GRM4: variants seen among roughly 807,000 people sequenced by gnomAD.
GRM4 encodes the protein glutamate metabotropic receptor 4, also known as metabotropic glutamate receptor 4.
In GRM4, 28 loss-of-function variants were observed where a neutral mutation model predicts 81.7. That is an observed-to-expected ratio of 0.34 (90% CI 0.25 to 0.47). The LOEUF (loss-of-function observed/expected upper bound fraction) is 0.47, where lower values mean the gene tolerates loss of function less well. Among genes scored for constraint, GRM4 ranks in the 20% least tolerant of loss-of-function variants. The pLI is 1.00. For synonymous variants in GRM4, 488 were observed against 528.8 expected (o/e 0.92, Z 1.06); for missense variants, 948 against 1,290.0 (o/e 0.73, Z 4.06).
intron 3 of GRM4, 112 bp from the exon 4 acceptor site, chr6:34,062,140 G>T: frequency 8.6e-7 from 1 of 1,168,970 alleles, no homozygotes; most frequent in Non-Finnish European, 1.2e-6. Flanking sequence ...AGGCTCCCCA[G>T]CCTGACTCCC....
At chr6:34,139,080 A>C (rs908046935) in intron 1 of GRM4, among the ~76,000 whole-genome samples, 8 of 152,266 alleles carry the variant, frequency 5.3e-5, no homozygotes, top group African/African-American at 1.7e-4. Context: ...GAATGGCCAC[A>C]GCCGCATGCT....
At chr6:34,033,491 CT>C (rs1200147239) in intron 9 of GRM4, among the ~76,000 whole-genome samples, 2 of 152,250 alleles carry the variant, frequency 1.3e-5, no homozygotes, top group South Asian at 4.1e-4. Context: ...CTCTGTGCCC[CT>C]GAGTCCTCAT....
In GRM4 at chr6:34,069,571, G is replaced by A. The variant is rs934875374; in HGVS notation, c.737-7543C>T. Among the ~76,000 whole-genome samples the A allele has an allele frequency of 2.7e-5, 4 of 150,500 alleles. No homozygotes were observed. Among genetic ancestry groups the A allele is most frequent in the African/African-American group, 9.9e-5 (4 of 40,448 alleles). Reference sequence around the variant, plus strand: ...TCACCCCTGCCCCATCTGCTCCTGCGTGTGACCCCGCTCCCCAGCTCATCA... The same window carrying A: ...TCACCCCTGCCCCATCTGCTCCTGCATGTGACCCCGCTCCCCAGCTCATCA... On this transcript the variant is annotated intron_variant, in intron 3 of 10. Coordinates refer to ENST00000538487, the MANE Select transcript of GRM4 (RefSeq NM_000841.4). This position sits in a 1 kb window ranked among gnomAD's most constrained non-coding sequence, Gnocchi z 6.4.
rs532297891 is a variant in GRM4, at chr6:34,043,191, G to A, written c.1169-2443C>T. 6.6e-5 allele frequency among the ~76,000 whole-genome samples: 10 copies of A among 152,304 alleles called. No individual in the cohort carries two copies. The East Asian group carries it at 1.7e-3, about 26-fold the overall frequency. ...TCCCAGGCTGCATTTGACTTGGGTC[G>A]TGTCTGCTAGCTTTGCTAACCAGCA... On this transcript the variant is annotated intron_variant, in intron 6 of 10. Transcript: ENST00000538487.
In GRM4 at chr6:34,115,923, G is replaced by A. The variant is rs1417723293; in HGVS notation, c.519+17055C>T. On this transcript the variant is annotated intron_variant, in intron 2 of 10. Transcript: ENST00000538487. This position sits in a 1 kb window ranked among gnomAD's most constrained non-coding sequence, Gnocchi z 4.1. Reference sequence around the variant, plus strand: ...TTTGAAAAGGTAAAAATGAGGTACCGATGTTGGCCGCACCAGAAGAGGGCT... The same window carrying A: ...TTTGAAAAGGTAAAAATGAGGTACCAATGTTGGCCGCACCAGAAGAGGGCT... 1.4e-4 allele frequency among the ~76,000 whole-genome samples: 21 copies of A among 152,326 alleles called. No homozygotes were observed. The highest frequency in any genetic ancestry group is 3.9e-4 in the East Asian group (2 of 5,188).
Position 34,044,659 on chromosome 6 carries a change from CAT to C in GRM4, c.1169-3913_1169-3912del, listed in dbSNP as rs1477566730. 8.4e-5 allele frequency among the ~76,000 whole-genome samples: 12 copies of C among 142,994 alleles called. 1 individual carries two copies. Among genetic ancestry groups the C allele is most frequent in the South Asian group, 4.4e-4 (2 of 4,570 alleles). The allele number at this position is 142,994 out of a possible 152,430, so 93.8% of individuals were successfully genotyped here. ...ACACACACACATATACATACATACA[CAT>C]ATATACACAGACACACACACACAGA... On this transcript the variant is annotated intron_variant, in intron 6 of 10. Transcript: ENST00000538487.
In GRM4 at chr6:34,047,202, C is replaced by G. The variant is rs997468209; in HGVS notation, c.1169-6454G>C. 3.3e-5 allele frequency among the ~76,000 whole-genome samples: 5 copies of G among 152,240 alleles called. No individual in the cohort carries two copies. Among genetic ancestry groups the G allele is most frequent in the Middle Eastern group, 3.4e-3 (1 of 294 alleles). Reference sequence around the variant, plus strand: ...CTCAGCTCTCCTTTCCTCCCTGACACGCCCCTGCTGGATGACACCCCACCC... The same window carrying G: ...CTCAGCTCTCCTTTCCTCCCTGACAGGCCCCTGCTGGATGACACCCCACCC... On this transcript the variant is annotated intron_variant, in intron 6 of 10. Transcript: ENST00000538487. This position sits in a 1 kb window ranked among gnomAD's most constrained non-coding sequence, Gnocchi z 4.5.
intron 2 of GRM4, among the ~76,000 whole-genome samples, chr6:34,093,085 G>A (rs1007077698): frequency 1.3e-5 from 2 of 152,192 alleles, no homozygotes; most frequent in African/African-American, 4.8e-5. Flanking sequence ...GGTGGGGAAT[G>A]CATATTGATC....
chr6:34,129,091 T>C (rs577665034), intron 2 of GRM4, among the ~76,000 whole-genome samples: 2 of 152,018 alleles, frequency 1.3e-5, no homozygotes, highest in South Asian at 4.2e-4. Flanking sequence ...CTCGGCTCAC[T>C]GCAACCTCTG....
At chr6:34,118,560 T>A (rs1267857561) in intron 2 of GRM4, among the ~76,000 whole-genome samples, 1 of 152,238 alleles carries the variant, frequency 6.6e-6, no homozygotes, top group Non-Finnish European at 1.5e-5. Flanking sequence ...AGGACTCTTG[T>A]GTGGAATGAT....
chr6:34,087,315 A>C (rs1390789426), intron 3 of GRM4, among the ~76,000 whole-genome samples: 2 of 150,848 alleles, frequency 1.3e-5, no homozygotes, highest in African/African-American at 4.9e-5. Context: ...GCTACTTGGG[A>C]GGCTGAGGCA....
At chr6:34,057,349 T>C (rs1212155237) in intron 5 of GRM4, among the ~76,000 whole-genome samples, 1 of 152,176 alleles carries the variant, frequency 6.6e-6, no homozygotes, top group Non-Finnish European at 1.5e-5. Flanking sequence ...GCCAGAGGCC[T>C]GAAAGCTCAG....
At chr6:34,094,250 C>A (rs115427737) in intron 2 of GRM4, among the ~76,000 whole-genome samples, 6 of 152,116 alleles carry the variant, frequency 3.9e-5, no homozygotes. Flanking sequence ...AGCAAGTGGC[C>A]GAGACAGGAT....
rs1771069728 is a variant in GRM4 at position 34,152,687 on chromosome 6, G to C, written c.312+2392C>G. Among the ~76,000 whole-genome samples, 1 of 152,216 alleles carries C rather than the reference G, an allele frequency of 6.6e-6. No individual in the cohort carries two copies. On this transcript the variant is annotated intron_variant, in intron 1 of 8. Coordinates refer to the GRM4 transcript ENST00000374177. This position sits in a 1 kb window ranked among gnomAD's most constrained non-coding sequence, Gnocchi z 4.1. ...CGTGGGCTGCATTTTAATGGCGTTT[G>C]ATTGGATCCGATGCGCTTTTAATTC...
chr6:34,078,374 T>G lies in GRM4; in HGVS notation c.736+13509A>C, dbSNP rs1328729372. Among the ~76,000 whole-genome samples, 1 of 152,138 alleles carries G rather than the reference T, an allele frequency of 6.6e-6. No homozygotes were observed. Among genetic ancestry groups the G allele is most frequent in the Non-Finnish European group, 1.5e-5 (1 of 68,026 alleles). ...AGTAACCTTTCTACGTGTTGTCTCC[T>G]GAGCTCCTTCCAGTCCACCCAGGTC... On this transcript the variant is annotated intron_variant, in intron 3 of 10. Coordinates refer to ENST00000538487, the MANE Select transcript of GRM4 (RefSeq NM_000841.4). The surrounding 1 kb of genome is among the most constrained non-coding windows in gnomAD (Gnocchi z 4.8).
chr6:34,088,312 C>T (rs759149773), intron 3 of GRM4, among the ~76,000 whole-genome samples: 79 of 152,192 alleles, frequency 5.2e-4, no homozygotes, highest in Non-Finnish European at 3.8e-4. Context: ...TTAGTAGAGA[C>T]GGCGTTTCAC....
chr6:34,029,507 A>G (rs1240448095), intron 9 of GRM4, among the ~76,000 whole-genome samples: 2 of 152,140 alleles, frequency 1.3e-5, no homozygotes. Flanking sequence ...ACGCCGCTCC[A>G]TAGATGCCTC....
intron 2 of GRM4, chr6:34,102,236 C>A: frequency 7.9e-7 from 1 of 1,262,476 alleles, no homozygotes; most frequent in Non-Finnish European, 1.1e-6. Flanking sequence ...GAGCCCCTGC[C>A]AAGTGCTAAT....
chr6:34,067,103 G>C (rs1159161662), intron 3 of GRM4, among the ~76,000 whole-genome samples: 1 of 152,126 alleles, frequency 6.6e-6, no homozygotes, highest in Non-Finnish European at 1.5e-5. Context: ...CCGCTGGTGT[G>C]AGCTGGAACC....
Sources: allele counts gnomAD v4.1 joint callset (sites outside exome capture counted in the v4.1 genomes callset), GRCh38; gene constraint gnomAD v4.1.1; non-coding constraint Gnocchi (gnomAD v3.1); transcripts MANE v1.5; gene names NCBI Gene and HGNC (gene_info 2026-07-23, HGNC 2026-07-21).